LURAP1L: variants seen among roughly 807,000 people sequenced by gnomAD.
LURAP1L encodes the protein leucine rich adaptor protein 1 like, also known as leucine rich adaptor protein 1-like.
In LURAP1L, 12 loss-of-function variants were observed where a neutral mutation model predicts 13.8. The observed-to-expected ratio is 0.87, with a 90% CI of 0.56 to 1.41. The LOEUF (loss-of-function observed/expected upper bound fraction) is 1.41. Ranked by LOEUF, LURAP1L falls within the 40% of genes most tolerant of loss-of-function variation. LURAP1L has a pLI of 0.00. For synonymous variants in LURAP1L, 139 were observed against 119.2 expected (o/e 1.17, Z -1.08); for missense variants, 375 against 292.9 (o/e 1.28, Z -2.04).
intron 1 of LURAP1L, among the ~76,000 whole-genome samples, chr9:12,794,168 T>A (rs777694187): frequency 2.0e-5 from 3 of 152,204 alleles, no homozygotes; most frequent in South Asian, 2.1e-4. Context: ...CTAAACTGGT[T>A]GTTCCGAGTG....
At chr9:12,818,696 G>C (rs1214548090) in intron 1 of LURAP1L, among the ~76,000 whole-genome samples, 1 of 152,160 alleles carries the variant, frequency 6.6e-6, no homozygotes, top group Non-Finnish European at 1.5e-5. Flanking sequence ...ATTTGGAGAG[G>C]AAGAGAGTGA....
In LURAP1L at chr9:12,818,126, C is replaced by A. The variant is rs537378866; in HGVS notation, c.313-3260C>A. ...TCAATGGCCTGTGAATGTTTTGCTT[C>A]CACTAAAAAAAAAAAAAAAAAAGAT... On this transcript the variant is annotated intron_variant, in intron 1 of 1. Transcript: ENST00000319264. Among the ~76,000 whole-genome samples, 353 of 132,336 alleles carry A rather than the reference C, an allele frequency of 2.7e-3. 1 individual carries two copies. The highest frequency in any genetic ancestry group is 0.011 in the African/African-American group (345 of 30,882). 86.8% of individuals were successfully genotyped at this position (132,336 alleles called of 152,430 possible).
chr9:12,793,434 G>A lies in LURAP1L; in HGVS notation c.312+17407G>A, dbSNP rs78625867. ...CTTAACCTTATAGAATTAGACCGAT[G>A]CATGTCCTGTCTTTCCTGCTAGGCA... On this transcript the variant is annotated intron_variant, in intron 1 of 1. Coordinates refer to ENST00000319264, the MANE Select transcript of LURAP1L (RefSeq NM_203403.2). Among the ~76,000 whole-genome samples, 449 of 152,164 alleles carry A rather than the reference G, an allele frequency of 3.0e-3. 4 individuals are homozygous for A. The highest frequency in any genetic ancestry group is 0.01 in the African/African-American group (417 of 41,564).
At chr9:12,783,417 T>C (rs990051451) in intron 1 of LURAP1L, among the ~76,000 whole-genome samples, 1 of 152,192 alleles carries the variant, frequency 6.6e-6, no homozygotes, top group African/African-American at 2.4e-5. Flanking sequence ...CATAAAGAGA[T>C]GCCAAATTTT....
At chr9:12,807,240 T>G (rs1478940601) in intron 1 of LURAP1L, among the ~76,000 whole-genome samples, 2 of 151,494 alleles carry the variant, frequency 1.3e-5, no homozygotes, top group African/African-American at 4.8e-5. Context: ...CACTCCAGCC[T>G]GGGCGACAGA....
At chr9:12,805,689 A>C (rs1819647563) in intron 1 of LURAP1L, among the ~76,000 whole-genome samples, 2 of 152,252 alleles carry the variant, frequency 1.3e-5, no homozygotes, top group South Asian at 2.1e-4. Flanking sequence ...TCATAAAACC[A>C]GATTGCTAAT....
intron 1 of LURAP1L, among the ~76,000 whole-genome samples, chr9:12,804,829 G>A (rs928451616): frequency 6.6e-6 from 1 of 152,098 alleles, no homozygotes; most frequent in African/African-American, 2.4e-5. Context: ...AATTAACCAG[G>A]AAGTACCTTT....
intron 1 of LURAP1L, among the ~76,000 whole-genome samples, chr9:12,791,648 C>A (rs1819442204): frequency 6.7e-6 from 1 of 149,898 alleles, no homozygotes; most frequent in Non-Finnish European, 1.5e-5. Flanking sequence ...CCGCCCTCCT[C>A]TCTCTCTCCT....
At chr9:12,813,562 T>TTTTATTTTATCA (rs1819766386) in intron 1 of LURAP1L, among the ~76,000 whole-genome samples, 1 of 152,156 alleles carries the variant, frequency 6.6e-6, no homozygotes, top group Non-Finnish European at 1.5e-5. Context: ...TTATTGGTTG[T>TTTTATTTTATCA]CTAGACTTAA....
chr9:12,807,155 T>C lies in LURAP1L; in HGVS notation c.313-14231T>C, dbSNP rs1226969785. Among the ~76,000 whole-genome samples, 3 of 138,920 alleles carry C rather than the reference T, an allele frequency of 2.2e-5. 1 individual carries two copies. 91.1% of individuals were successfully genotyped at this position (138,920 alleles called of 152,430 possible). On this transcript the variant is annotated intron_variant, in intron 1 of 1. Transcript: ENST00000319264. ...GGTGGCAGGCGCCTGTAGTCCCAGC[T>C]ACTCGGGAGCTGAAGCAGGAGAATG...
In LURAP1L at chr9:12,821,614, A is replaced by G. The variant is rs1441202439; in HGVS notation, c.541A>G (p.Ser181Gly). 1 of 1,614,154 alleles carries G rather than the reference A, an allele frequency of 6.2e-7. No individual in the cohort carries two copies. Among genetic ancestry groups the G allele is most frequent in the Non-Finnish European group, 8.5e-7 (1 of 1,180,036 alleles). ...SDGLDGISVG[S>G]YLDTLADDVP... ...TGGGCTGGATGGCATTTCCGTGGGAAGTTATCTGGACACGTTGGCGGATGA... is the reference window on the plus strand; with the variant it reads ...TGGGCTGGATGGCATTTCCGTGGGAGGTTATCTGGACACGTTGGCGGATGA... The change falls in exon 2 of 2, where the codon AGT (serine) becomes GGT (glycine). Residue 181 changes from serine (S) to glycine (G), a missense_variant. Physicochemically the swap from Ser to Gly is moderately conservative, Grantham distance 56 (BLOSUM62 0). Coordinates refer to ENST00000319264, the MANE Select transcript of LURAP1L (RefSeq NM_203403.2).
intron 1 of LURAP1L, among the ~76,000 whole-genome samples, chr9:12,786,558 A>ATTTG (rs1191286966): frequency 8.7e-6 from 1 of 114,908 alleles, no homozygotes; most frequent in Non-Finnish European, 1.9e-5. Flanking sequence ...ATATATATAT[A>ATTTG]TATATATATA....
At chr9:12,818,768 T>A (rs184201802) in intron 1 of LURAP1L, among the ~76,000 whole-genome samples, 2 of 152,248 alleles carry the variant, frequency 1.3e-5, no homozygotes, top group African/African-American at 4.8e-5. Context: ...GGCTGGAACA[T>A]TTTCATGGGA....
chr9:12,798,259 G>A (rs1295650268), intron 1 of LURAP1L, among the ~76,000 whole-genome samples: 1 of 152,130 alleles, frequency 6.6e-6, no homozygotes, highest in Non-Finnish European at 1.5e-5. Flanking sequence ...TGTGCCATCT[G>A]CTTCAATAAT....
At chr9:12,802,849 C>T (rs1026868917) in intron 1 of LURAP1L, among the ~76,000 whole-genome samples, 4 of 152,316 alleles carry the variant, frequency 2.6e-5, no homozygotes, top group South Asian at 4.1e-4. Flanking sequence ...ACCTGCTCCC[C>T]TGGTTGTCTT....
At chr9:12,794,346 C>A (rs555473919) in intron 1 of LURAP1L, among the ~76,000 whole-genome samples, 1 of 151,728 alleles carries the variant, frequency 6.6e-6, no homozygotes, top group African/African-American at 2.4e-5. Flanking sequence ...TGGATTGCAC[C>A]CAATTCTGTT....
chr9:12,804,174 A>C (rs184582416), intron 1 of LURAP1L, among the ~76,000 whole-genome samples: 76 of 152,278 alleles, frequency 5.0e-4, no homozygotes, highest in Non-Finnish European at 5.0e-4. Context: ...ATAATGACTA[A>C]AAAGGAGTTG....
intron 1 of LURAP1L, among the ~76,000 whole-genome samples, chr9:12,804,545 G>C (rs561717888): frequency 1.3e-5 from 2 of 152,112 alleles, no homozygotes; most frequent in East Asian, 3.9e-4. Context: ...GTTTCACTAT[G>C]TTGGCCAGGC....
intron 1 of LURAP1L, among the ~76,000 whole-genome samples, chr9:12,804,673 T>C (rs1274751480): frequency 6.6e-6 from 1 of 152,194 alleles, no homozygotes; most frequent in Non-Finnish European, 1.5e-5. Context: ...AAAAAAATTT[T>C]TTTTTAAATA....
Sources: gnomAD v4.1 joint callset for allele counts (sites outside exome capture counted in the v4.1 genomes callset) on GRCh38, gnomAD v4.1.1 for gene constraint, MANE v1.5 for transcripts, NCBI Gene and HGNC (gene_info 2026-07-23, HGNC 2026-07-21) for gene names.